Variants in LRMDA observed in about 807,000 individuals in gnomAD.
The protein encoded by LRMDA is leucine-rich melanocyte differentiation-associated protein.
In LRMDA, 18 loss-of-function variants were observed where a neutral mutation model predicts 29.8. That is an observed-to-expected ratio of 0.60 (90% CI 0.42 to 0.90). The LOEUF is 0.90. Among genes scored for constraint, LRMDA ranks in the 40% least tolerant of loss-of-function variants. The probability of loss-of-function intolerance (pLI) is 0.00; values close to 1 mark genes in which losing one functional copy is unlikely to be tolerated. For missense variants in LRMDA, 273 were observed against 273.9 expected, an observed-to-expected ratio of 1.00 and a Z score of 0.02; for synonymous variants, 125 against 109.4, an observed-to-expected ratio of 1.14 and a Z score of -0.89.
In LRMDA at chr10:75,880,086, G is replaced by T. The variant is rs562887645; in HGVS notation, c.132-155922G>T. ...TTAAAAAAATCATTGCTGTTTGTCG[G>T]CCTGATTCCTTTGTTTGCGTGTCAT... is the stretch of plus-strand genomic sequence containing the variant. On this transcript the variant is annotated intron_variant, in intron 2 of 6. Coordinates refer to ENST00000611255, the MANE Select transcript of LRMDA (RefSeq NM_001305581.2). 7.2e-5 allele frequency among the ~76,000 whole-genome samples: 11 copies of T among 152,294 alleles called. No homozygotes were observed. The South Asian group carries it at 1.2e-3, about 17-fold the overall frequency.
chr10:76,307,125 C>T (rs1885635), intron 5 of LRMDA, among the ~76,000 whole-genome samples: 92,138 of 151,972 alleles, frequency 0.61, 31,336 homozygotes, highest in Non-Finnish European at 0.8. Context: ...TACCCTTGCC[C>T]ACCCCTCATG....
In LRMDA at chr10:76,054,871, C is replaced by A. The variant is rs1848584166; in HGVS notation, c.399-3795C>A. Among the ~76,000 whole-genome samples, 4 of 151,314 alleles carry A rather than the reference C, an allele frequency of 2.6e-5. No homozygotes were observed. The South Asian group carries it at 8.4e-4, about 32-fold the overall frequency. On this transcript the variant is annotated intron_variant, in intron 4 of 6. Coordinates refer to ENST00000611255, the MANE Select transcript of LRMDA (RefSeq NM_001305581.2). ...TTGAGGTCAGGAGTTTGAGTCCAGC[C>A]TGGCCAACATGGTGAAACGCTGTCT...
At chr10:76,186,692 A>G (rs1851156390) in intron 5 of LRMDA, among the ~76,000 whole-genome samples, 1 of 152,216 alleles carries the variant, frequency 6.6e-6, no homozygotes, top group Non-Finnish European at 1.5e-5. Context: ...TTTATTGGGT[A>G]GTTACTGTGT....
chr10:75,589,258 C>T (rs1840692064), intron 2 of LRMDA, among the ~76,000 whole-genome samples: 1 of 152,152 alleles, frequency 6.6e-6, no homozygotes, highest in Non-Finnish European at 1.5e-5. Context: ...ACCGCATCAC[C>T]AACAGAGCAT....
Position 75,864,752 on chromosome 10 carries a change from A to T in LRMDA, c.132-171256A>T, listed in dbSNP as rs1589233453. 3.9e-5 allele frequency among the ~76,000 whole-genome samples: 6 copies of T among 152,202 alleles called. No homozygotes were observed. The South Asian group carries it at 1.2e-3, about 32-fold the overall frequency. On this transcript the variant is annotated intron_variant, in intron 2 of 6. Transcript: ENST00000611255. Reference sequence around the variant, plus strand: ...TTCAAAGAATAATCCATCTAGCAAAACAGTTTTATCCTTTCTATATATTCA... The same window carrying T: ...TTCAAAGAATAATCCATCTAGCAAATCAGTTTTATCCTTTCTATATATTCA...
intron 2 of LRMDA, among the ~76,000 whole-genome samples, chr10:75,490,687 A>G (rs538298671): frequency 6.6e-6 from 1 of 152,272 alleles, no homozygotes; most frequent in East Asian, 1.9e-4. Context: ...CAGGGATTGC[A>G]ACTAGATTTT....
intron 6 of LRMDA, among the ~76,000 whole-genome samples, chr10:76,501,458 C>T (rs1842908464): frequency 1.3e-5 from 2 of 152,104 alleles, no homozygotes; most frequent in South Asian, 4.1e-4. Flanking sequence ...GACTGCCTTC[C>T]ACAGTGGCTG....
At chr10:75,829,636 A>G (rs1381858229) in intron 2 of LRMDA, among the ~76,000 whole-genome samples, 1 of 152,124 alleles carries the variant, frequency 6.6e-6, no homozygotes, top group African/African-American at 2.4e-5. Context: ...ACACTTCTAA[A>G]GCATTCATGA....
At chr10:75,612,177 GTA>G (rs1841040553) in intron 2 of LRMDA, among the ~76,000 whole-genome samples, 1 of 152,208 alleles carries the variant, frequency 6.6e-6, no homozygotes, top group South Asian at 2.1e-4. Flanking sequence ...GGAGAAGTGT[GTA>G]GAAAAATAAG....
At chr10:75,703,932 A>G (rs1456701503) in intron 2 of LRMDA, among the ~76,000 whole-genome samples, 1 of 152,208 alleles carries the variant, frequency 6.6e-6, no homozygotes, top group Non-Finnish European at 1.5e-5. Flanking sequence ...TGCTCCCAAC[A>G]GTGACTGGCA....
chr10:75,937,915 GCTGT>G (rs1248527333), intron 2 of LRMDA, among the ~76,000 whole-genome samples: 2 of 152,104 alleles, frequency 1.3e-5, no homozygotes, highest in African/African-American at 2.4e-5. Flanking sequence ...TTGTCTTTTA[GCTGT>G]CTGTCTATTG....
At chr10:75,462,580 C>G (rs933541776) in intron 2 of LRMDA, among the ~76,000 whole-genome samples, 7 of 152,154 alleles carry the variant, frequency 4.6e-5, no homozygotes, top group Admixed American at 2.0e-4. Flanking sequence ...AGAGGGGATC[C>G]GGGAATTGGG....
intron 2 of LRMDA, among the ~76,000 whole-genome samples, chr10:75,983,710 A>G (rs1847213698): frequency 6.6e-6 from 1 of 152,136 alleles, no homozygotes; most frequent in African/African-American, 2.4e-5. Context: ...GCTGGAGTGC[A>G]GTGGCACAAT....
intron 5 of LRMDA, among the ~76,000 whole-genome samples, chr10:76,076,424 T>C (rs1848959400): frequency 6.6e-6 from 1 of 152,104 alleles, no homozygotes; most frequent in African/African-American, 2.4e-5. Flanking sequence ...TTTTTGCCTT[T>C]TAATTTTTCT....
At chr10:75,585,570 C>T (rs1589194061) in intron 2 of LRMDA, among the ~76,000 whole-genome samples, 1 of 152,322 alleles carries the variant, frequency 6.6e-6, no homozygotes, top group East Asian at 1.9e-4. Context: ...AACAGTTTTC[C>T]AAAGTAGTTC....
chr10:76,316,385 C>G (rs1433458947), intron 5 of LRMDA, among the ~76,000 whole-genome samples: 1 of 152,048 alleles, frequency 6.6e-6, no homozygotes, highest in Admixed American at 6.6e-5. Flanking sequence ...CACACCTGGC[C>G]GTGCGCTGTG....
chr10:75,634,071 A>G (rs542048748), intron 2 of LRMDA, among the ~76,000 whole-genome samples: 23 of 152,356 alleles, frequency 1.5e-4, no homozygotes, highest in Non-Finnish European at 2.2e-4. Context: ...GGAGAAAACC[A>G]AATTATCTTA....
chr10:75,865,714 T>C (rs937638890), intron 2 of LRMDA, among the ~76,000 whole-genome samples: 14 of 152,206 alleles, frequency 9.2e-5, no homozygotes, highest in Admixed American at 1.3e-4. Flanking sequence ...AATGTTCCCT[T>C]CTCCTGCCAT....
intron 2 of LRMDA, among the ~76,000 whole-genome samples, chr10:75,866,335 C>G (rs1408827324): frequency 6.6e-6 from 1 of 152,218 alleles, no homozygotes; most frequent in Non-Finnish European, 1.5e-5. Context: ...CAACACTCAG[C>G]TTTGTGGCCT....
Sources: gnomAD v4.1 joint callset for allele counts (sites outside exome capture counted in the v4.1 genomes callset) on GRCh38, gnomAD v4.1.1 for gene constraint, MANE v1.5 for transcripts, NCBI Gene and HGNC (gene_info 2026-07-23, HGNC 2026-07-21) for gene names.